Variants in G3BP2 observed in about 807,000 individuals in gnomAD.
G3BP2 encodes the protein G3BP stress granule assembly factor 2, also known as ras GTPase-activating protein-binding protein 2.
Under a neutral mutation model 56.7 loss-of-function variants are expected in G3BP2, and 11 were observed. That is an observed-to-expected ratio of 0.19 (90% confidence interval 0.12 to 0.32). G3BP2 has a LOEUF of 0.32. G3BP2 is among the 10% of genes least tolerant of loss of function. G3BP2 has a pLI of 1.00. For missense variants in G3BP2, 340 were observed against 610.9 expected (o/e 0.56, Z 4.67); for synonymous variants, 165 against 191.6 (o/e 0.86, Z 1.15).
At chr4:75,677,533 T>C (rs945590940), upstream of G3BP2, among the ~76,000 whole-genome samples, 4 of 151,820 alleles carry the variant, frequency 2.6e-5, no homozygotes, top group African/African-American at 9.7e-5. Context: ...ATCGCACCAC[T>C]TCACTCCAGC....
At position 75,645,445 on chromosome 4, in the gene G3BP2, T is replaced by C. The variant is rs72649422; in HGVS notation, c.1434A>G (p.Thr478=). 2.4e-3 allele frequency: 3,827 copies of C among 1,614,054 alleles called. 4 individuals are homozygous for C. Among genetic ancestry groups the C allele is most frequent in the Non-Finnish European group, 3.0e-3 (3,498 of 1,179,890 alleles). Residue 478 remains threonine (T), a synonymous_variant, in exon 12 of 12, where the codon ACA becomes ACG. Coordinates refer to ENST00000359707, the MANE Select transcript of G3BP2 (RefSeq NM_203505.3). ...RGTGQMEGRF[T]GQRR is the part of the protein sequence containing the mutation. The stretch of plus-strand genomic sequence containing the variant: ...CAGTGGAGCTTCAGCGACGCTGTCC[T>C]GTGAAGCGGCCCTCCATTTGCCCGG...
In G3BP2 at chr4:75,692,152, T is replaced by A. The variant is rs564006748; in HGVS notation, c.-25+28725A>T. The stretch of plus-strand genomic sequence containing the variant: ...AAAAGCAATTGTGTTGTCACTATTA[T>A]GTTCCTTTCTGTTCTTCAGAACCCT... On this transcript the variant is annotated intron_variant, in intron 3 of 3. Transcript: ENST00000499709. Among the ~76,000 whole-genome samples the A allele has an allele frequency of 2.6e-5, 4 of 152,344 alleles. No homozygotes were observed. The East Asian group carries it at 7.7e-4, about 29-fold the overall frequency.
At chr4:75,675,862 G>C (rs1733857251), upstream of G3BP2, among the ~76,000 whole-genome samples, 1 of 152,168 alleles carries the variant, frequency 6.6e-6, no homozygotes, top group Non-Finnish European at 1.5e-5. Context: ...GGATTAGATA[G>C]TAAATATTTT....
intron 1 of G3BP2, chr4:75,662,325 C>T (rs543137912): frequency 2.8e-4 from 58 of 207,042 alleles, no homozygotes; most frequent in African/African-American, 9.9e-4. Context: ...CGGGTTCAAG[C>T]GATTCTCCTG....
intron 10 of G3BP2, 107 bp downstream of exon 10, chr4:75,646,922 T>C (rs982723069): frequency 1.5e-6 from 1 of 673,186 alleles, no homozygotes; most frequent in Non-Finnish European, 2.4e-6. Context: ...CTGGACACAG[T>C]ATAAAGAGAG....
chr4:75,644,178 T>C lies in G3BP2; in HGVS notation c.*1252A>G, dbSNP rs1731058434. 6.6e-6 allele frequency: 1 copy of C among 152,568 alleles called. No homozygotes were observed. The highest frequency in any genetic ancestry group is 1.5e-5 in the Non-Finnish European group (1 of 68,034). 9.5% of individuals were successfully genotyped at this position (152,568 alleles called of 1,614,324 possible). Reference sequence around the variant, plus strand: ...AATCTGACTGCTTTTAAAATGTCACTAAAAATGTACGTCAAGTTGACTGAC... The same window carrying C: ...AATCTGACTGCTTTTAAAATGTCACCAAAAATGTACGTCAAGTTGACTGAC... On this transcript the variant is annotated 3_prime_UTR_variant, in exon 12 of 12. Transcript: ENST00000359707.
intron 1 of G3BP2, chr4:75,672,872 C>T: frequency 3.2e-6 from 1 of 309,200 alleles, no homozygotes; most frequent in Non-Finnish European, 4.7e-6. Context: ...CTTCCATCAG[C>T]GCGCCTTCGG....
chr4:75,694,598 C>T (rs1241307208), intron 3 of G3BP2, among the ~76,000 whole-genome samples: 2 of 152,138 alleles, frequency 1.3e-5, no homozygotes, highest in African/African-American at 4.8e-5. Context: ...GGCGAGACTC[C>T]GTCTCAAAAA....
chr4:75,645,971 C>T (rs555101177), intron 11 of G3BP2, among the ~76,000 whole-genome samples: 6 of 152,062 alleles, frequency 3.9e-5, no homozygotes, highest in East Asian at 1.9e-4. Context: ...CCACCATGGC[C>T]GGCTATTTTT....
rs1430304636 is a variant in G3BP2, at chr4:75,692,254, T to C, written c.-25+28623A>G. Among the ~76,000 whole-genome samples, 6 of 152,296 alleles carry C rather than the reference T, an allele frequency of 3.9e-5. 1 individual carries two copies. Among genetic ancestry groups the C allele is most frequent in the Admixed American group, 3.3e-4 (5 of 15,284 alleles). The stretch of plus-strand genomic sequence containing the variant: ...CTTCCTGGAACCTTGGATTTGTAGA[T>C]TGAGAATCTGATCTCTGCCTTGGCT... On this transcript the variant is annotated intron_variant, in intron 3 of 3. Transcript: ENST00000499709.
intron 9 of G3BP2, 57 bp downstream of exon 9, chr4:75,648,582 A>G: frequency 3.4e-6 from 3 of 885,204 alleles, no homozygotes; most frequent in Non-Finnish European, 3.7e-6. Context: ...GTTTAAGTTC[A>G]GTCTTTTACA....
intron 3 of G3BP2, among the ~76,000 whole-genome samples, chr4:75,687,872 T>C (rs1249351202): frequency 1.3e-5 from 2 of 152,206 alleles, no homozygotes; most frequent in African/African-American, 4.8e-5. Flanking sequence ...ATACAAGGGT[T>C]TGAGGCCCTG....
In G3BP2 at chr4:75,707,085, G is replaced by A. The variant is rs368171752; in HGVS notation, c.-25+13792C>T. 2.6e-5 allele frequency among the ~76,000 whole-genome samples: 4 copies of A among 151,056 alleles called. 1 individual carries two copies. The highest frequency in any genetic ancestry group is 2.1e-4 in the South Asian group (1 of 4,760). On this transcript the variant is annotated intron_variant, in intron 3 of 3. Transcript: ENST00000499709. ...CGCATGCCTGTAATCCCAGCTACTC[G>A]GGAGGCTGGGGCAGGGAGGTGGAAG...
chr4:75,684,214 G>A (rs1470332962), intron 3 of G3BP2, among the ~76,000 whole-genome samples: 2 of 152,048 alleles, frequency 1.3e-5, no homozygotes, highest in Non-Finnish European at 2.9e-5. Flanking sequence ...GACCAGCCTG[G>A]CCAATATGGT....
chr4:75,652,395 G>C (rs1330910137), intron 8 of G3BP2, among the ~76,000 whole-genome samples: 1 of 152,168 alleles, frequency 6.6e-6, no homozygotes, highest in Non-Finnish European at 1.5e-5. Flanking sequence ...GGCCAATGCG[G>C]GTGGATCACT....
chr4:75,676,914 T>C (rs1733898258), upstream of G3BP2, among the ~76,000 whole-genome samples: 2 of 152,130 alleles, frequency 1.3e-5, no homozygotes, highest in Admixed American at 1.3e-4. Context: ...TTACCACTGG[T>C]TTTCTCACAC....
In G3BP2 at chr4:75,696,888, G is replaced by C. The variant is rs557197433; in HGVS notation, c.-25+23989C>G. On this transcript the variant is annotated intron_variant, in intron 3 of 3. Coordinates refer to the G3BP2 transcript ENST00000499709. ...ACAGTAGATGCCCTACAATACTCGA[G>C]TAAGTAGTTAAAGATGGTCATTCCT... 5.3e-5 allele frequency among the ~76,000 whole-genome samples: 8 copies of C among 152,246 alleles called. No individual in the cohort carries two copies. In the South Asian group the frequency reaches 1.7e-3, roughly 32 times the overall value.
chr4:75,679,412 G>C (rs1458793937), intron 3 of G3BP2, among the ~76,000 whole-genome samples: 1 of 152,188 alleles, frequency 6.6e-6, no homozygotes, highest in East Asian at 1.9e-4. Context: ...TTATCTGTTT[G>C]TGAGGCTGGG....
intron 3 of G3BP2, among the ~76,000 whole-genome samples, chr4:75,715,824 G>A (rs1298354761): frequency 1.3e-5 from 2 of 152,096 alleles, no homozygotes; most frequent in Non-Finnish European, 2.9e-5. Context: ...TTTTAAATGG[G>A]ACAAATTACG....
Sources: gnomAD v4.1 joint callset for allele counts (sites outside exome capture counted in the v4.1 genomes callset) on GRCh38, gnomAD v4.1.1 for gene constraint, MANE v1.5 for transcripts, NCBI Gene and HGNC (gene_info 2026-07-23, HGNC 2026-07-21) for gene names.